The following NRXN3 variants were observed in gnomAD, a reference collection of about 807,000 sequenced individuals.
NRXN3 encodes neurexin 3.
NRXN3 carries 32 observed loss-of-function variants against 137.6 expected under a neutral mutation model. That is an observed-to-expected ratio of 0.23 (90% CI 0.18 to 0.31). The LOEUF is 0.31. Ranked by LOEUF, NRXN3 falls within the 10% of genes least tolerant of loss-of-function variation. The pLI is 1.00. For missense variants in NRXN3, 1,574 were observed against 2,062.5 expected (o/e 0.76, Z 4.59); for synonymous variants, 798 against 784.5 (o/e 1.02, Z -0.29).
At chr14:78,977,471 A>G (rs2099471926) in intron 14 of NRXN3, among the ~76,000 whole-genome samples, 1 of 152,122 alleles carries the variant, frequency 6.6e-6, no homozygotes, top group Non-Finnish European at 1.5e-5. Context: ...AAACAAGGAA[A>G]AGCAGACAGA....
chr14:79,475,808 T>G (rs1729617920), intron 16 of NRXN3, among the ~76,000 whole-genome samples: 1 of 152,094 alleles, frequency 6.6e-6, no homozygotes, highest in South Asian at 2.1e-4. Flanking sequence ...TGAAGCAATA[T>G]AAAATTCTAA....
intron 4 of NRXN3, among the ~76,000 whole-genome samples, chr14:78,587,132 A>C (rs1331606215): frequency 6.6e-6 from 1 of 152,252 alleles, no homozygotes; most frequent in Non-Finnish European, 1.5e-5. Flanking sequence ...TGCATTCAGC[A>C]TACCAGGTTT....
At chr14:79,757,471 A>T (rs1568136676) in intron 19 of NRXN3, among the ~76,000 whole-genome samples, 2 of 152,196 alleles carry the variant, frequency 1.3e-5, no homozygotes, top group African/African-American at 2.4e-5. Flanking sequence ...ATTAATGGTG[A>T]TATTATATCT....
At position 78,717,553 on chromosome 14, in the gene NRXN3, A is replaced by G. The variant is rs565252650; in HGVS notation, c.2044+2414A>G. ...GTTCAGAATGAATCAGTGGAGTGTAAAAATTATAGGACTCTTCTCTGCTAG... is the reference window on the plus strand; with the variant it reads ...GTTCAGAATGAATCAGTGGAGTGTAGAAATTATAGGACTCTTCTCTGCTAG... On this transcript the variant is annotated intron_variant, in intron 8 of 20. Transcript: ENST00000335750. 4.4e-4 allele frequency among the ~76,000 whole-genome samples: 67 copies of G among 151,478 alleles called. 1 individual carries two copies. Among genetic ancestry groups the G allele is most frequent in the African/African-American group, 1.6e-3 (67 of 40,932 alleles).
intron 16 of NRXN3, among the ~76,000 whole-genome samples, chr14:79,623,401 A>T (rs73327946): frequency 0.069 from 10,497 of 152,228 alleles, 1,206 homozygotes; most frequent in African/African-American, 0.24. Context: ...AATTCAGCCC[A>T]TCAACTCAGT....
At chr14:79,467,604 T>C (rs1176631258) in intron 16 of NRXN3, among the ~76,000 whole-genome samples, 1 of 152,204 alleles carries the variant, frequency 6.6e-6, no homozygotes, top group African/African-American at 2.4e-5. Flanking sequence ...CCCATGTATA[T>C]AGGGAGGAAA....
chr14:78,950,879 T>C (rs1031733502), intron 10 of NRXN3, among the ~76,000 whole-genome samples: 1 of 152,190 alleles, frequency 6.6e-6, no homozygotes, highest in Non-Finnish European at 1.5e-5. Flanking sequence ...ATACCAGAAG[T>C]AGCCTTCTCT....
intron 15 of NRXN3, among the ~76,000 whole-genome samples, chr14:79,136,251 G>A (rs908675434): frequency 4.6e-5 from 7 of 152,092 alleles, no homozygotes; most frequent in Non-Finnish European, 4.4e-5. Flanking sequence ...AGACACATTC[G>A]TTCATGTTCT....
intron 15 of NRXN3, among the ~76,000 whole-genome samples, chr14:79,021,667 C>T (rs1450324787): frequency 6.6e-6 from 1 of 152,038 alleles, no homozygotes; most frequent in African/African-American, 2.4e-5. Context: ...TCAGAAGTGG[C>T]CCAAACTGTG....
At chr14:79,583,615 C>T (rs1019064135) in intron 16 of NRXN3, among the ~76,000 whole-genome samples, 2 of 152,070 alleles carry the variant, frequency 1.3e-5, no homozygotes, top group Non-Finnish European at 2.9e-5. Context: ...TTTCTATGAA[C>T]TTAAGATTAT....
At chr14:79,007,695 A>G (rs1026976123) in intron 15 of NRXN3, among the ~76,000 whole-genome samples, 22 of 150,500 alleles carry the variant, frequency 1.5e-4, no homozygotes, top group African/African-American at 4.4e-4. Flanking sequence ...AGTCCCAGCT[A>G]CTTGGGAGGC....
At chr14:79,811,581 C>CTTTT (rs370942970) in intron 20 of NRXN3, among the ~76,000 whole-genome samples, 4 of 116,604 alleles carry the variant, frequency 3.4e-5, no homozygotes, top group African/African-American at 9.7e-5. Context: ...TTTCTTTTTT[C>CTTTT]TTTTTTTTTT....
intron 15 of NRXN3, among the ~76,000 whole-genome samples, chr14:79,087,627 C>G (rs1185926628): frequency 6.6e-6 from 1 of 152,082 alleles, no homozygotes. Flanking sequence ...AGGGGGAACA[C>G]TCAAGTAGAA....
intron 15 of NRXN3, among the ~76,000 whole-genome samples, chr14:79,290,026 C>G (rs931358389): frequency 6.6e-6 from 1 of 152,048 alleles, no homozygotes; most frequent in East Asian, 1.9e-4. Flanking sequence ...TCCTCTCACC[C>G]CCCCACGTTA....
intron 4 of NRXN3, among the ~76,000 whole-genome samples, chr14:78,358,347 G>C (rs6574435): frequency 0.99 from 150,688 of 152,284 alleles, 74,568 homozygotes; most frequent in East Asian, 1. Flanking sequence ...TGATAGGAAA[G>C]TGAGGCACAG....
In NRXN3 at chr14:79,403,522, T is replaced by C. The variant is rs79577726; in HGVS notation, c.3263-63699T>C. ...AGATGATTTGCTTTTTCTGCTTCTATTTCAAAATAAGCTGCTAAAACTGAG... is the reference window on the plus strand; with the variant it reads ...AGATGATTTGCTTTTTCTGCTTCTACTTCAAAATAAGCTGCTAAAACTGAG... On this transcript the variant is annotated intron_variant, in intron 15 of 20. Transcript: ENST00000335750. Among the ~76,000 whole-genome samples, 284 of 152,318 alleles carry C rather than the reference T, an allele frequency of 1.9e-3. 2 individuals are homozygous for C. In the Middle Eastern group the frequency reaches 0.02, roughly 11 times the overall value.
intron 20 of NRXN3, among the ~76,000 whole-genome samples, chr14:79,807,553 GGCCAC>G (rs2099212944): frequency 6.6e-6 from 1 of 152,068 alleles, no homozygotes. Flanking sequence ...GTTTTCTAGA[GGCCAC>G]GCAGGTATTT....
At chr14:79,850,173 T>A (rs1250291791) in intron 20 of NRXN3, among the ~76,000 whole-genome samples, 2 of 152,218 alleles carry the variant, frequency 1.3e-5, no homozygotes, top group African/African-American at 4.8e-5. Flanking sequence ...TAGGTATTTG[T>A]TATGCCAACT....
chr14:79,844,320 G>A (rs1192044741), intron 20 of NRXN3, among the ~76,000 whole-genome samples: 1 of 150,064 alleles, frequency 6.7e-6, no homozygotes. Context: ...CTTTTCTCAT[G>A]AATCACAAAT....
Sources: allele counts gnomAD v4.1 joint callset (sites outside exome capture counted in the v4.1 genomes callset), GRCh38; gene constraint gnomAD v4.1.1; transcripts MANE v1.5; gene names NCBI Gene and HGNC (gene_info 2026-07-23, HGNC 2026-07-21).